NKAIN3: variants seen among roughly 807,000 people sequenced by gnomAD.
NKAIN3 encodes the protein sodium/potassium transporting ATPase interacting 3.
A neutral mutation model predicts 30.2 loss-of-function variants in NKAIN3; 25 were observed. That is an observed-to-expected ratio of 0.83 (90% CI 0.60 to 1.16). The LOEUF is 1.16. NKAIN3 is among the 50% of genes most tolerant of loss of function. The pLI, the probability that NKAIN3 is intolerant of heterozygous loss-of-function variation, is 0.00. For missense variants in NKAIN3, 225 were observed against 254.1 expected, an observed-to-expected ratio of 0.89 and a Z score of 0.78; for synonymous variants, 91 against 89.6, an observed-to-expected ratio of 1.02 and a Z score of -0.09.
intron 1 of NKAIN3, among the ~76,000 whole-genome samples, chr8:62,289,546 T>C (rs959966894): frequency 3.3e-5 from 5 of 152,306 alleles, no homozygotes; most frequent in Admixed American, 2.0e-4. Context: ...AAAGATCAAA[T>C]GGGTGCAGAT....
chr8:62,503,127 C>A (rs543652987), intron 1 of NKAIN3, among the ~76,000 whole-genome samples: 3 of 152,244 alleles, frequency 2.0e-5, no homozygotes, highest in Admixed American at 2.0e-4. Flanking sequence ...CCCAATATTT[C>A]AACATAGGTT....
chr8:62,825,883 C>T (rs1011468664), intron 4 of NKAIN3, among the ~76,000 whole-genome samples: 2 of 152,128 alleles, frequency 1.3e-5, no homozygotes, highest in African/African-American at 4.8e-5. Flanking sequence ...TCAGGCAGCC[C>T]CACTAGTCAC....
rs79215318 is a variant in NKAIN3, at chr8:62,817,214, C to T, written c.471+70085C>T. Among the ~76,000 whole-genome samples, 289 of 152,134 alleles carry T rather than the reference C, an allele frequency of 1.9e-3. 2 individuals are homozygous for T. The highest frequency in any genetic ancestry group is 6.7e-3 in the African/African-American group (279 of 41,506). ...TGTGGAGGAGGTGAGTGCTGCATGC[C>T]TCTAGTCAGCCATCTTGATGACCAA... On this transcript the variant is annotated intron_variant, in intron 4 of 6. Transcript: ENST00000623646.
intron 5 of NKAIN3, among the ~76,000 whole-genome samples, chr8:62,919,205 C>CA (rs1368523825): frequency 2.1e-4 from 23 of 109,600 alleles, no homozygotes; most frequent in Non-Finnish European, 3.7e-5. Context: ...TAGGGACTCA[C>CA]TTTTTTTTAT....
At chr8:62,930,729 A>G (rs781680622) in intron 5 of NKAIN3, among the ~76,000 whole-genome samples, 15 of 146,542 alleles carry the variant, frequency 1.0e-4, no homozygotes, top group Non-Finnish European at 2.1e-4. Context: ...TTTGAGACGG[A>G]GTCTCACTCT....
At chr8:62,495,796 GA>G (rs914537629) in intron 1 of NKAIN3, among the ~76,000 whole-genome samples, 24 of 151,996 alleles carry the variant, frequency 1.6e-4, no homozygotes, top group Non-Finnish European at 2.9e-4. Flanking sequence ...TTGGATAGGA[GA>G]ACTGATATTC....
chr8:62,332,296 T>C lies in NKAIN3; in HGVS notation c.54+83169T>C, dbSNP rs1449588639. Reference sequence around the variant, plus strand: ...CAAGAACATATTGCCATTCTAGATATCCATTGCTAATAAAGAACTGGTTTG... The same window carrying C: ...CAAGAACATATTGCCATTCTAGATACCCATTGCTAATAAAGAACTGGTTTG... On this transcript the variant is annotated intron_variant, in intron 1 of 6. Coordinates refer to ENST00000623646, the MANE Select transcript of NKAIN3 (RefSeq NM_001304533.3). Among the ~76,000 whole-genome samples the C allele has an allele frequency of 2.0e-5, 3 of 152,130 alleles. No homozygotes were observed. In the East Asian group the frequency reaches 5.8e-4, roughly 29 times the overall value.
At chr8:62,786,352 T>G (rs1179255642) in intron 4 of NKAIN3, among the ~76,000 whole-genome samples, 2 of 152,098 alleles carry the variant, frequency 1.3e-5, no homozygotes, top group African/African-American at 2.4e-5. Flanking sequence ...TTAAGTGTCT[T>G]TCATTTTTAT....
chr8:62,660,050 T>A (rs1330792713), intron 3 of NKAIN3, among the ~76,000 whole-genome samples: 6 of 152,180 alleles, frequency 3.9e-5, no homozygotes, highest in Non-Finnish European at 5.9e-5. Context: ...GAAAATGGAC[T>A]AATATACTTG....
chr8:62,383,338 A>C (rs1376779128), intron 1 of NKAIN3, among the ~76,000 whole-genome samples: 5 of 152,118 alleles, frequency 3.3e-5, no homozygotes. Flanking sequence ...ACAGCTTTAT[A>C]GATAAGGGGA....
rs1386556728 is a variant in NKAIN3 at position 62,979,087 on chromosome 8, T to C, written c.*13680T>C. The C allele has an allele frequency of 6.6e-6, 1 of 152,144 alleles. No homozygotes were observed. The highest frequency in any genetic ancestry group is 1.5e-5 in the Non-Finnish European group (1 of 68,054). 9.4% of individuals were successfully genotyped at this position (152,144 alleles called of 1,614,324 possible). On this transcript the variant is annotated 3_prime_UTR_variant, in exon 7 of 7. Coordinates refer to ENST00000623646, the MANE Select transcript of NKAIN3 (RefSeq NM_001304533.3). ...CAGTGAGATGAACCGAGTACCTCAG[T>C]TGGAAATGCAGAAATCACCCACTTT...
In NKAIN3 at chr8:62,855,626, T is replaced by TCCAAGG. The variant is rs1239107733; in HGVS notation, c.472-62818_472-62813dup. 1.1e-5 allele frequency: 18 copies of TCCAAGG among 1,603,644 alleles called. No homozygotes were observed. The Admixed American group carries it at 2.2e-4, about 19-fold the overall frequency. Reference sequence around the variant, plus strand: ...CACTGCTTGTTCAGTCTCCATCAAATCCAAGGCCAAGGCCTCCAGGTTCCT... The same window carrying TCCAAGG: ...CACTGCTTGTTCAGTCTCCATCAAATCCAAGGCCAAGGCCAAGGCCTCCAGGTTCCT... On this transcript the variant is annotated intron_variant, in intron 4 of 6. Coordinates refer to ENST00000623646, the MANE Select transcript of NKAIN3 (RefSeq NM_001304533.3).
chr8:62,342,794 T>A lies in NKAIN3; in HGVS notation c.54+93667T>A, dbSNP rs1815797572. Among the ~76,000 whole-genome samples, 3 of 152,126 alleles carry A rather than the reference T, an allele frequency of 2.0e-5. No homozygotes were observed. The South Asian group carries it at 6.2e-4, about 31-fold the overall frequency. On this transcript the variant is annotated intron_variant, in intron 1 of 6. Transcript: ENST00000623646. ...AATAATGTCCAAAGTTGGGTCAGGC[T>A]GTCAGTCACAGAAATAATTACTCTT...
intron 1 of NKAIN3, among the ~76,000 whole-genome samples, chr8:62,552,123 A>G (rs561333183): frequency 6.6e-6 from 1 of 152,272 alleles, no homozygotes; most frequent in South Asian, 2.1e-4. Flanking sequence ...GACAGTGAAG[A>G]CCTCACTGAT....
chr8:62,493,164 G>A (rs1002371425), intron 1 of NKAIN3, among the ~76,000 whole-genome samples: 1 of 152,006 alleles, frequency 6.6e-6, no homozygotes, highest in African/African-American at 2.4e-5. Context: ...ATCTTCCAGG[G>A]TTTTTATAGT....
intron 3 of NKAIN3, among the ~76,000 whole-genome samples, chr8:62,726,665 A>T (rs182586576): frequency 3.2e-4 from 48 of 152,106 alleles, no homozygotes; most frequent in African/African-American, 1.2e-3. Context: ...TATATTTATT[A>T]TATTTATAAT....
At chr8:62,937,348 G>C (rs1822817288) in intron 5 of NKAIN3, among the ~76,000 whole-genome samples, 1 of 152,170 alleles carries the variant, frequency 6.6e-6, no homozygotes, top group Non-Finnish European at 1.5e-5. Flanking sequence ...GCCGAAAACT[G>C]TGAGTGCCCA....
At chr8:62,376,785 C>T (rs1035760784) in intron 1 of NKAIN3, among the ~76,000 whole-genome samples, 1 of 152,030 alleles carries the variant, frequency 6.6e-6, no homozygotes. Flanking sequence ...GTTGTTTAGG[C>T]CATTCTAGGA....
chr8:62,506,228 T>TGGGGG (rs10633674), intron 1 of NKAIN3, among the ~76,000 whole-genome samples: 25 of 129,208 alleles, frequency 1.9e-4, no homozygotes, highest in South Asian at 1.5e-3. Flanking sequence ...ATGAGAATAT[T>TGGGGG]GGGGGGGGGG....
Sources: gnomAD v4.1 joint callset for allele counts (sites outside exome capture counted in the v4.1 genomes callset) on GRCh38, gnomAD v4.1.1 for gene constraint, MANE v1.5 for transcripts, NCBI Gene and HGNC (gene_info 2026-07-23, HGNC 2026-07-21) for gene names.